The following PPP6R3 variants were observed in gnomAD, a reference collection of about 807,000 sequenced individuals.
PPP6R3 encodes serine/threonine-protein phosphatase 6 regulatory subunit 3.
Under a neutral mutation model 110.7 loss-of-function variants are expected in PPP6R3, and 38 were observed. That is an observed-to-expected ratio of 0.34 (90% CI 0.26 to 0.45). The LOEUF (loss-of-function observed/expected upper bound fraction) is 0.45. Among genes scored for constraint, PPP6R3 ranks in the 20% least tolerant of loss-of-function variants. The pLI is 1.00. For synonymous variants in PPP6R3, 369 were observed against 373.5 expected (o/e 0.99, Z 0.14); for missense variants, 870 against 1,062.4 (o/e 0.82, Z 2.52).
At chr11:68,594,858 C>T (rs2099608658) in intron 18 of PPP6R3, among the ~76,000 whole-genome samples, 1 of 152,074 alleles carries the variant, frequency 6.6e-6, no homozygotes. Flanking sequence ...ATGATATGGG[C>T]AAGAAGGTAG....
chr11:68,581,660 G>A (rs1476840040), intron 14 of PPP6R3, among the ~76,000 whole-genome samples: 1 of 152,144 alleles, frequency 6.6e-6, no homozygotes. Flanking sequence ...CAGCTGCCAT[G>A]ACCAAGCAGT....
intron 2 of PPP6R3, among the ~76,000 whole-genome samples, chr11:68,530,465 C>G (rs1226073258): frequency 6.6e-6 from 1 of 152,198 alleles, no homozygotes; most frequent in South Asian, 2.1e-4. Context: ...GCAGCTGCTT[C>G]TCCTATTTTG....
In PPP6R3 at chr11:68,567,182, C is replaced by T. The variant is rs1445965835; in HGVS notation, c.1128+16C>T. On this transcript the variant is annotated intron_variant, in intron 10 of 23. Coordinates refer to ENST00000393800, the MANE Select transcript of PPP6R3 (RefSeq NM_001164161.2). The stretch of plus-strand genomic sequence containing the variant: ...AGTCATATTGGTGAGATTTTCCCTG[C>T]TCACAGACATTTTAATTTGCCATTG... 2.0e-6 allele frequency: 3 copies of T among 1,518,246 alleles called. No individual in the cohort carries two copies. In the East Asian group the frequency reaches 7.5e-5, roughly 38 times the overall value. The allele number at this position is 1,518,246 out of a possible 1,614,324, so 94.0% of individuals were successfully genotyped here. A position where few individuals can be genotyped will look rare whatever the true frequency, so the allele number is the denominator to read the frequency against.
chr11:68,471,294 A>G (rs1027224273), intron 1 of PPP6R3, among the ~76,000 whole-genome samples: 2 of 151,726 alleles, frequency 1.3e-5, no homozygotes, highest in Admixed American at 6.6e-5. Context: ...AAAAAAAAAA[A>G]AAAAAAGAAA....
At chr11:68,554,868 A>C (rs999377853) in intron 7 of PPP6R3, among the ~76,000 whole-genome samples, 10 of 152,260 alleles carry the variant, frequency 6.6e-5, no homozygotes, top group African/African-American at 2.4e-4. Flanking sequence ...GTATGCATAC[A>C]GCTAGCATTG....
chr11:68,600,665 A>G (rs1216915578), intron 20 of PPP6R3, among the ~76,000 whole-genome samples, 171 bp downstream of exon 20: 1 of 152,210 alleles, frequency 6.6e-6, no homozygotes, highest in Non-Finnish European at 1.5e-5. Flanking sequence ...AAGAAGAACA[A>G]TCACCATCTT....
chr11:68,505,246 T>C (rs983875093), intron 1 of PPP6R3: 1 of 152,208 alleles, frequency 6.6e-6, no homozygotes, highest in African/African-American at 2.4e-5. Flanking sequence ...GTCTTCAGTT[T>C]GAGGTACCTC....
intron 1 of PPP6R3, among the ~76,000 whole-genome samples, chr11:68,476,886 C>T (rs1036114107): frequency 5.3e-5 from 8 of 151,376 alleles, no homozygotes; most frequent in African/African-American, 1.7e-4. Flanking sequence ...TTTAGCTGGG[C>T]GTGGTGGTTT....
In PPP6R3 at chr11:68,551,154, G is replaced by A; in HGVS notation, c.586G>A (p.Val196Met). 1 of 1,611,422 alleles carries A rather than the reference G, an allele frequency of 6.2e-7. No individual in the cohort carries two copies. ...TGAGGAGAAAATTATCCAGAGGCTT[G>A]TGGAAATAGTTCATCCATCGCAAGA... ...LNEEKIIQRLVEIVHPSQEED... is the reference protein window; with the variant it reads ...LNEEKIIQRLMEIVHPSQEED... The change falls in exon 6 of 24, where the codon GTG becomes ATG. Residue 196 changes from valine (V) to methionine (M), a missense_variant. Val to Met is a conservative substitution (Grantham distance 21). Transcript: ENST00000393800.
At chr11:68,527,302 T>G (rs1191506179) in intron 2 of PPP6R3, among the ~76,000 whole-genome samples, 1 of 152,180 alleles carries the variant, frequency 6.6e-6, no homozygotes, top group African/African-American at 2.4e-5. Context: ...CCCTCTTCAT[T>G]AGGCTCACCC....
intron 2 of PPP6R3, among the ~76,000 whole-genome samples, chr11:68,535,864 GA>G (rs1402980479): frequency 1.3e-5 from 2 of 151,744 alleles, no homozygotes; most frequent in African/African-American, 2.4e-5. Flanking sequence ...AGCTACTTGG[GA>G]GGCTGAGGTA....
intron 1 of PPP6R3, among the ~76,000 whole-genome samples, chr11:68,466,285 T>G (rs2098744681): frequency 6.6e-6 from 1 of 152,126 alleles, no homozygotes; most frequent in South Asian, 2.1e-4. Context: ...GCTAGTTAGA[T>G]CAATACTCAG....
At chr11:68,581,615 C>G (rs1169428917) in intron 14 of PPP6R3, among the ~76,000 whole-genome samples, 1 of 152,270 alleles carries the variant, frequency 6.6e-6, no homozygotes, top group Non-Finnish European at 1.5e-5. Context: ...AGTACAACCA[C>G]TTGACTTGCT....
intron 1 of PPP6R3, among the ~76,000 whole-genome samples, chr11:68,504,044 T>G (rs762805945): frequency 1.3e-5 from 2 of 152,198 alleles, no homozygotes; most frequent in African/African-American, 4.8e-5. Context: ...CGTGCCTAAT[T>G]AGAAGCGCAC....
At position 68,593,452 on chromosome 11, in the gene PPP6R3, G is replaced by T. The variant is rs566323861; in HGVS notation, c.1916+1746G>T. The stretch of plus-strand genomic sequence containing the variant: ...TCATTTTCCTATTCATGGATGTTTT[G>T]GTTGTTTCTGGTTTGAGGCCTATAA... On this transcript the variant is annotated intron_variant, in intron 18 of 23. Coordinates refer to ENST00000393800, the MANE Select transcript of PPP6R3 (RefSeq NM_001164161.2). Among the ~76,000 whole-genome samples, 24 of 152,142 alleles carry T rather than the reference G, an allele frequency of 1.6e-4. 1 individual carries two copies. The South Asian group carries it at 4.8e-3, about 30-fold the overall frequency.
At chr11:68,553,847 C>T (rs573989872) in intron 6 of PPP6R3, among the ~76,000 whole-genome samples, 13 of 152,148 alleles carry the variant, frequency 8.5e-5, no homozygotes, top group Non-Finnish European at 1.5e-4. Flanking sequence ...GGAGCATTTT[C>T]GATTTGGGAT....
chr11:68,593,940 G>A (rs2099603365), intron 18 of PPP6R3, among the ~76,000 whole-genome samples: 1 of 152,082 alleles, frequency 6.6e-6, no homozygotes, highest in African/African-American at 2.4e-5. Flanking sequence ...CGAGGCTACA[G>A]GGAGCCAAGA....
intron 10 of PPP6R3, among the ~76,000 whole-genome samples, chr11:68,568,698 A>G (rs542501643): frequency 4.3e-4 from 65 of 152,060 alleles, no homozygotes; most frequent in Non-Finnish European, 7.8e-4. Flanking sequence ...TCTGTCTGCC[A>G]TGTTGCATCT....
chr11:68,502,681 G>A (rs1385609666), intron 1 of PPP6R3, among the ~76,000 whole-genome samples: 1 of 152,196 alleles, frequency 6.6e-6, no homozygotes, highest in Non-Finnish European at 1.5e-5. Context: ...GAAAAGAGGA[G>A]CCAGGGCTGT....
Sources: gnomAD v4.1 joint callset for allele counts (sites outside exome capture counted in the v4.1 genomes callset) on GRCh38, gnomAD v4.1.1 for gene constraint, MANE v1.5 for transcripts, NCBI Gene and HGNC (gene_info 2026-07-23, HGNC 2026-07-21) for gene names.